Variants in PTPRD observed in about 807,000 individuals in gnomAD.
PTPRD encodes receptor-type tyrosine-protein phosphatase delta.
Under a neutral mutation model 214.5 loss-of-function variants are expected in PTPRD, and 34 were observed. That is an observed-to-expected ratio of 0.16 (90% CI 0.12 to 0.21). The LOEUF is 0.21. PTPRD is among the 10% of genes least tolerant of loss of function. The pLI is 1.00. For missense variants in PTPRD, 2,545 were observed against 2,398.7 expected (o/e 1.06, Z -1.27); for synonymous variants, 1,128 against 845.7 (o/e 1.33, Z -5.79).
At chr9:9,155,683 G>A (rs535995860) in intron 10 of PTPRD, among the ~76,000 whole-genome samples, 1 of 152,258 alleles carries the variant, frequency 6.6e-6, no homozygotes, top group South Asian at 2.1e-4. Context: ...TAAAGGTGCT[G>A]CCTGGGCCAA....
chr9:9,547,167 A>G (rs118124085), intron 8 of PTPRD, among the ~76,000 whole-genome samples: 2,510 of 152,114 alleles, frequency 0.017, 40 homozygotes, highest in Admixed American at 0.026. Context: ...CCCTGTCTAA[A>G]TTGGACTGAT....
chr9:10,421,392 G>T (rs1022773463), intron 2 of PTPRD, among the ~76,000 whole-genome samples: 2 of 151,834 alleles, frequency 1.3e-5, no homozygotes, highest in Non-Finnish European at 2.9e-5. Context: ...ATGGAGCAAG[G>T]TTCCGTTGAT....
rs151290112 is a variant in PTPRD, at chr9:8,667,322, A to G, written c.65-30478T>C. On this transcript the variant is annotated intron_variant, in intron 12 of 45. Transcript: ENST00000381196. ...CCATTGCACTCCAGCCTGGGCAACA[A>G]GAGCAAAACGTCGTCTCTAAATAAA... is the stretch of plus-strand genomic sequence containing the variant. Among the ~76,000 whole-genome samples, 676 of 152,244 alleles carry G rather than the reference A, an allele frequency of 4.4e-3. 11 individuals carry two copies. Among genetic ancestry groups the G allele is most frequent in the African/African-American group, 0.016 (660 of 41,570 alleles).
intron 4 of PTPRD, among the ~76,000 whole-genome samples, chr9:9,941,765 G>A (rs1022377396): frequency 1.3e-5 from 2 of 152,254 alleles, no homozygotes; most frequent in East Asian, 1.9e-4. Context: ...AGGTCCCAAA[G>A]GAAACTCCAG....
chr9:9,039,508 A>C (rs1360129043), intron 10 of PTPRD, among the ~76,000 whole-genome samples: 1 of 152,228 alleles, frequency 6.6e-6, no homozygotes, highest in Non-Finnish European at 1.5e-5. Flanking sequence ...TGCTTTTGTA[A>C]ATAAGGTTTT....
intron 9 of PTPRD, among the ~76,000 whole-genome samples, chr9:9,289,291 C>T (rs1271428674): frequency 6.6e-6 from 1 of 151,854 alleles, no homozygotes; most frequent in Non-Finnish European, 1.5e-5. Flanking sequence ...TATCTGAAGT[C>T]AAGCAGCTAG....
rs1820876660 is a variant in PTPRD, at chr9:8,314,536, T to C, written c.*3338A>G. 4.3e-6 allele frequency: 1 copy of C among 232,124 alleles called. No individual in the cohort carries two copies. Among genetic ancestry groups the C allele is most frequent in the Non-Finnish European group, 8.5e-6 (1 of 117,150 alleles). 14.4% of individuals were successfully genotyped at this position (232,124 alleles called of 1,614,324 possible). A position where few individuals can be genotyped will look rare whatever the true frequency, so the allele number is the denominator to read the frequency against. On this transcript the variant is annotated 3_prime_UTR_variant, in exon 46 of 46. Coordinates refer to ENST00000381196, the MANE Select transcript of PTPRD (RefSeq NM_002839.4). ...TTTGTAAAGACACTCCAAGCTGGGA[T>C]GGCAAAGCCACATAACGGATGGATA... is the stretch of plus-strand genomic sequence containing the variant.
intron 9 of PTPRD, among the ~76,000 whole-genome samples, chr9:9,215,235 G>T (rs985834377): frequency 3.3e-5 from 5 of 152,132 alleles, no homozygotes; most frequent in Admixed American, 6.5e-5. Flanking sequence ...AATTGACTCA[G>T]TTGCAGAAGT....
At chr9:9,452,244 C>CAATAG (rs2092337279) in intron 8 of PTPRD, among the ~76,000 whole-genome samples, 1 of 151,402 alleles carries the variant, frequency 6.6e-6, no homozygotes, top group African/African-American at 2.4e-5. Flanking sequence ...AACCAATTGA[C>CAATAG]AATAGAATAA....
chr9:8,811,403 G>C (rs544501653), intron 11 of PTPRD, among the ~76,000 whole-genome samples: 30 of 152,240 alleles, frequency 2.0e-4, no homozygotes, highest in Non-Finnish European at 2.9e-4. Flanking sequence ...TAAGGTAGGA[G>C]TACAATAAAA....
chr9:10,325,927 T>G (rs140171116), intron 3 of PTPRD, among the ~76,000 whole-genome samples: 1 of 152,016 alleles, frequency 6.6e-6, no homozygotes, highest in East Asian at 1.9e-4. Flanking sequence ...CCCACTGTAA[T>G]AATTTTTTTA....
chr9:9,206,325 G>A (rs146456576), intron 9 of PTPRD, among the ~76,000 whole-genome samples: 5 of 152,302 alleles, frequency 3.3e-5, no homozygotes, highest in African/African-American at 4.8e-5. Flanking sequence ...AGGGTTGTGC[G>A]TAAAGGCATG....
chr9:9,144,900 G>C (rs1473540641), intron 10 of PTPRD, among the ~76,000 whole-genome samples: 6 of 152,146 alleles, frequency 3.9e-5, no homozygotes, highest in African/African-American at 1.2e-4. Context: ...CATCTTTAAA[G>C]TATTTATATC....
At chr9:8,788,491 T>C (rs1599804262) in intron 11 of PTPRD, among the ~76,000 whole-genome samples, 1 of 152,012 alleles carries the variant, frequency 6.6e-6, no homozygotes, top group East Asian at 1.9e-4. Context: ...GTCAGGCTGG[T>C]CTCAAACTCC....
chr9:8,881,077 T>C (rs1291993796), intron 11 of PTPRD, among the ~76,000 whole-genome samples: 1 of 152,190 alleles, frequency 6.6e-6, no homozygotes, highest in Non-Finnish European at 1.5e-5. Context: ...TCAAAGGTAA[T>C]TTCTGATATG....
intron 2 of PTPRD, among the ~76,000 whole-genome samples, chr9:10,513,248 A>G (rs948719742): frequency 6.6e-6 from 1 of 151,972 alleles, no homozygotes; most frequent in Non-Finnish European, 1.5e-5. Context: ...GAAGTTATAT[A>G]AGGATAATGT....
At position 9,287,922 on chromosome 9, in the gene PTPRD, CT is replaced by C. The variant is rs924157594; in HGVS notation, c.-202-104560del. Among the ~76,000 whole-genome samples, 47 of 146,540 alleles carry C rather than the reference CT, an allele frequency of 3.2e-4. 1 individual carries two copies. The highest frequency in any genetic ancestry group is 6.1e-4 in the East Asian group (3 of 4,958). On this transcript the variant is annotated intron_variant, in intron 9 of 45. Transcript: ENST00000381196. ...TTCTCAGATGCCTTTGAAAGCATGA[CT>C]TTTTTTTTTTCAATTTTAATTTTCC...
At chr9:8,423,904 T>A (rs2094507859) in intron 35 of PTPRD, among the ~76,000 whole-genome samples, 1 of 152,154 alleles carries the variant, frequency 6.6e-6, no homozygotes, top group Non-Finnish European at 1.5e-5. Context: ...ATAGAATCAA[T>A]CTGATGAATT....
At chr9:9,812,023 G>C (rs1435824115) in intron 5 of PTPRD, among the ~76,000 whole-genome samples, 1 of 152,132 alleles carries the variant, frequency 6.6e-6, no homozygotes, top group Non-Finnish European at 1.5e-5. Flanking sequence ...TCAGTTAGCA[G>C]CCATCAACAT....
Sources: gnomAD v4.1 joint callset for allele counts (sites outside exome capture counted in the v4.1 genomes callset) on GRCh38, gnomAD v4.1.1 for gene constraint, MANE v1.5 for transcripts, NCBI Gene and HGNC (gene_info 2026-07-23, HGNC 2026-07-21) for gene names.